LIMS1: variants seen among roughly 807,000 people sequenced by gnomAD.
The protein encoded by LIMS1 is LIM and senescent cell antigen-like-containing domain protein 1.
In LIMS1, 18 loss-of-function variants were observed where a neutral mutation model predicts 44.1. The ratio of observed to expected loss-of-function variants is 0.41; its 90% CI spans 0.28 to 0.61. LIMS1 has a LOEUF of 0.61. LIMS1 is among the 20% of genes least tolerant of loss of function. The pLI is 0.32. For synonymous variants in LIMS1, 93 were observed against 149.1 expected, an observed-to-expected ratio of 0.62 and a Z score of 2.74; for missense variants, 201 against 422.0, an observed-to-expected ratio of 0.48 and a Z score of 4.59.
intron 1 of LIMS1, among the ~76,000 whole-genome samples, chr2:108,549,698 A>G (rs909245712): frequency 2.6e-5 from 4 of 152,182 alleles, no homozygotes; most frequent in African/African-American, 9.7e-5. Flanking sequence ...AATACTATTA[A>G]TCAGAATTCC....
intron 1 of LIMS1, among the ~76,000 whole-genome samples, chr2:108,549,279 C>CTT (rs71381966): frequency 0.028 from 1,556 of 55,802 alleles, 369 homozygotes; most frequent in Non-Finnish European, 0.032. Flanking sequence ...TAAAGTGTTT[C>CTT]TTTTTTTTTT....
At chr2:108,627,619 T>C (rs986847673) in intron 1 of LIMS1, among the ~76,000 whole-genome samples, 6 of 152,164 alleles carry the variant, frequency 3.9e-5, no homozygotes, top group Admixed American at 1.3e-4. Flanking sequence ...AAATTACTTA[T>C]AAAAGTCAGA....
At chr2:108,549,865 G>A (rs1298884908) in intron 1 of LIMS1, among the ~76,000 whole-genome samples, 1 of 152,144 alleles carries the variant, frequency 6.6e-6, no homozygotes, top group African/African-American at 2.4e-5. Flanking sequence ...AGTTTAAAAT[G>A]ATTTGTAACT....
At chr2:108,602,752 C>G (rs757733141) in intron 1 of LIMS1, among the ~76,000 whole-genome samples, 5 of 151,918 alleles carry the variant, frequency 3.3e-5, no homozygotes, top group Non-Finnish European at 5.9e-5. Flanking sequence ...AGATATTGAC[C>G]TGTAGTTTTC....
At chr2:108,551,921 G>C (rs1573312710) in intron 1 of LIMS1, among the ~76,000 whole-genome samples, 1 of 114,438 alleles carries the variant, frequency 8.7e-6, no homozygotes, top group Non-Finnish European at 1.7e-5. Flanking sequence ...GTGTGTATAT[G>C]TGTATATATG....
At chr2:108,651,419 C>T (rs543117120) in intron 1 of LIMS1, among the ~76,000 whole-genome samples, 44 of 152,352 alleles carry the variant, frequency 2.9e-4, no homozygotes, top group Non-Finnish European at 5.0e-4. Context: ...GTAGGATATT[C>T]CTGATTGAAA....
chr2:108,617,560 C>T (rs1036178919), intron 1 of LIMS1, among the ~76,000 whole-genome samples: 1 of 152,162 alleles, frequency 6.6e-6, no homozygotes, highest in Non-Finnish European at 1.5e-5. Context: ...AATGATTAGG[C>T]TCTCAAAATT....
chr2:108,632,994 TA>T (rs1246410220), intron 1 of LIMS1, among the ~76,000 whole-genome samples: 21 of 152,208 alleles, frequency 1.4e-4, no homozygotes, highest in Non-Finnish European at 8.8e-5. Context: ...TAATAAAGTG[TA>T]CCAGGTGACT....
At chr2:108,608,731 A>G (rs1455184210) in intron 1 of LIMS1, among the ~76,000 whole-genome samples, 1 of 152,194 alleles carries the variant, frequency 6.6e-6, no homozygotes, top group Non-Finnish European at 1.5e-5. Context: ...TGAGAGAAGC[A>G]GGGTAGTAGA....
At chr2:108,575,311 A>C (rs189689105) in intron 1 of LIMS1, among the ~76,000 whole-genome samples, 2 of 152,310 alleles carry the variant, frequency 1.3e-5, no homozygotes, top group Non-Finnish European at 2.9e-5. Flanking sequence ...ATGTGAGCTA[A>C]TCATTCTTCA....
chr2:108,675,697 A>G (rs936574393), intron 5 of LIMS1, among the ~76,000 whole-genome samples, 181 bp from the exon 6 acceptor site: 1 of 152,194 alleles, frequency 6.6e-6, no homozygotes, highest in Non-Finnish European at 1.5e-5. Flanking sequence ...TTTTGGTAGG[A>G]GTCTGAAACC....
chr2:108,592,247 G>A (rs774840186), intron 1 of LIMS1, among the ~76,000 whole-genome samples: 1 of 152,128 alleles, frequency 6.6e-6, no homozygotes, highest in Non-Finnish European at 1.5e-5. Context: ...CTTCTGAGGC[G>A]CAGTTTGTCA....
intron 1 of LIMS1, among the ~76,000 whole-genome samples, chr2:108,593,584 A>G (rs1468700336): frequency 1.3e-5 from 2 of 152,222 alleles, no homozygotes; most frequent in Non-Finnish European, 2.9e-5. Context: ...TTTCAGAACA[A>G]TTAGCACCTG....
rs547543442 is a variant in LIMS1 at position 108,555,330 on chromosome 2, T to C, written c.32+20736T>C. Among the ~76,000 whole-genome samples the C allele has an allele frequency of 1.3e-4, 20 of 152,130 alleles. No homozygotes were observed. The South Asian group carries it at 3.9e-3, about 30-fold the overall frequency. On this transcript the variant is annotated intron_variant, in intron 1 of 9. Transcript: ENST00000544547. ...TTGAGGGGATCAGTCTTGAGGTGAG[T>C]CTGACACTGAAGTTGTCAGAGCAGA...
intron 1 of LIMS1, among the ~76,000 whole-genome samples, chr2:108,557,943 A>G (rs979625924): frequency 1.3e-5 from 2 of 152,364 alleles, no homozygotes; most frequent in Admixed American, 6.5e-5. Context: ...TGTTATCTCT[A>G]TGATCTGTGA....
intron 1 of LIMS1, among the ~76,000 whole-genome samples, chr2:108,602,854 CTACT>C (rs929562082): frequency 6.6e-6 from 1 of 152,180 alleles, no homozygotes; most frequent in African/African-American, 2.4e-5. Context: ...AAACCTCAAC[CTACT>C]GAGTTCAAGC....
Position 108,627,795 on chromosome 2 carries a change from C to T in LIMS1, c.33-31810C>T, listed in dbSNP as rs1328230370. 2.6e-5 allele frequency among the ~76,000 whole-genome samples: 4 copies of T among 152,074 alleles called. No individual in the cohort carries two copies. In the East Asian group the frequency reaches 5.8e-4, roughly 22 times the overall value. ...TTCTGTGACTAAAACAAACTTTGGA[C>T]GTGAATATTTTCTTATTTAAAAAAA... On this transcript the variant is annotated intron_variant, in intron 1 of 9. Transcript: ENST00000544547.
intron 1 of LIMS1, among the ~76,000 whole-genome samples, chr2:108,537,127 G>T (rs1012601138): frequency 6.6e-6 from 1 of 152,186 alleles, no homozygotes; most frequent in Non-Finnish European, 1.5e-5. Context: ...GCCAGCAGTT[G>T]TACCGACTGT....
intron 1 of LIMS1, among the ~76,000 whole-genome samples, chr2:108,543,730 C>T (rs774430771): frequency 6.6e-6 from 1 of 152,190 alleles, no homozygotes; most frequent in Non-Finnish European, 1.5e-5. Context: ...TGCACACTTA[C>T]CTGTAGACAT....
Sources: gnomAD v4.1 joint callset for allele counts (sites outside exome capture counted in the v4.1 genomes callset) on GRCh38, gnomAD v4.1.1 for gene constraint, MANE v1.5 for transcripts, NCBI Gene and HGNC (gene_info 2026-07-23, HGNC 2026-07-21) for gene names.